Variants in RPIA observed in about 807,000 individuals in gnomAD.
RPIA encodes ribose-5-phosphate isomerase.
A neutral mutation model predicts 37.8 loss-of-function variants in RPIA; 29 were observed. The observed-to-expected ratio is 0.77, with a 90% confidence interval of 0.57 to 1.05. The LOEUF is 1.05. RPIA is among the 50% of genes least tolerant of loss of function. The pLI, the probability that RPIA is intolerant of heterozygous loss-of-function variation, is 0.00. For synonymous variants in RPIA, 167 were observed against 157.0 expected, an observed-to-expected ratio of 1.06 and a Z score of -0.48; for missense variants, 385 against 413.6, an observed-to-expected ratio of 0.93 and a Z score of 0.60.
intron 8 of RPIA, among the ~76,000 whole-genome samples, chr2:88,746,519 G>A (rs1395929496): frequency 6.6e-6 from 1 of 152,170 alleles, no homozygotes; most frequent in Non-Finnish European, 1.5e-5. Flanking sequence ...GACTGCAGTG[G>A]TTATGCCCTT....
intron 3 of RPIA, among the ~76,000 whole-genome samples, chr2:88,709,199 C>T (rs188614488): frequency 2.0e-5 from 3 of 152,290 alleles, no homozygotes; most frequent in South Asian, 4.1e-4. Context: ...GTTCTTCTAT[C>T]GCTATGTAAT....
At position 88,691,994 on chromosome 2, in the gene RPIA, C is replaced by A. The variant is rs749415516; in HGVS notation, c.285+11C>A. ...GAGAACCACGTGAGGGTGAGCACTT[C>A]GAAACGTGGGGCGCGGGGCGCATGT... On this transcript the variant is annotated intron_variant, in intron 1 of 8. Transcript: ENST00000283646. 8 of 1,579,612 alleles carry A rather than the reference C, an allele frequency of 5.1e-6. No individual in the cohort carries two copies. The highest frequency in any genetic ancestry group is 1.7e-4 in the Middle Eastern group (1 of 6,012).
intron 3 of RPIA, among the ~76,000 whole-genome samples, chr2:88,727,556 C>T (rs765709148): frequency 2.0e-5 from 3 of 152,214 alleles, no homozygotes; most frequent in Admixed American, 6.5e-5. Context: ...TCCCACCCTC[C>T]ACCCTCTATC....
chr2:88,737,612 A>G (rs1240547862), intron 7 of RPIA, among the ~76,000 whole-genome samples: 4 of 152,240 alleles, frequency 2.6e-5, no homozygotes, highest in Non-Finnish European at 1.5e-5. Context: ...AAGGAAGCAG[A>G]TAAGAACAAT....
intron 3 of RPIA, among the ~76,000 whole-genome samples, chr2:88,727,336 C>T (rs2104122158): frequency 6.6e-6 from 1 of 152,316 alleles, no homozygotes; most frequent in Non-Finnish European, 1.5e-5. Context: ...CTCTTTGAGG[C>T]CACTTTCCAA....
intron 2 of RPIA, 145 bp downstream of exon 2, chr2:88,698,689 A>G: frequency 1.3e-6 from 1 of 796,068 alleles, no homozygotes; most frequent in Admixed American, 1.8e-5. Flanking sequence ...ACCTGAGGTC[A>G]GTTGAGTGTT....
At position 88,734,582 on chromosome 2, in the gene RPIA, G is replaced by A. The variant is rs886056422; in HGVS notation, c.493G>A (p.Val165Ile). 2.5e-6 allele frequency: 4 copies of A among 1,614,212 alleles called. No individual in the cohort carries two copies. In the East Asian group the frequency reaches 8.9e-5, roughly 36 times the overall value. ...CCTTGCCATCGATGGTGCTGATGAAGTAGATGCTGATCTCAATCTCATCAA... is the reference window on the plus strand; with the variant it reads ...CCTTGCCATCGATGGTGCTGATGAAATAGATGCTGATCTCAATCTCATCAA... The part of the protein sequence containing the change: ...IDLAIDGADE[V>I]DADLNLIKGG... The change falls in exon 5 of 9, where the codon GTA becomes ATA. Residue 165 changes from valine to isoleucine, a missense_variant. Around this residue, in one of 2 missense-constraint regions of RPIA, gnomAD observed 153 missense variants for 210.6 expected, o/e 0.73. Transcript: ENST00000283646.
chr2:88,735,801 C>T (rs1673308306), intron 6 of RPIA, 64 bp downstream of exon 6: 2 of 1,499,870 alleles, frequency 1.3e-6, no homozygotes. Flanking sequence ...GCCGCATCCC[C>T]ATTTTTGTGA....
chr2:88,708,701 A>G (rs1005144063), intron 3 of RPIA, among the ~76,000 whole-genome samples: 8 of 152,046 alleles, frequency 5.3e-5, no homozygotes, highest in Admixed American at 2.6e-4. Flanking sequence ...AGCAAAACCA[A>G]TGGAAGAGCC....
intron 2 of RPIA, among the ~76,000 whole-genome samples, chr2:88,699,099 A>C (rs1201100900): frequency 5.9e-5 from 9 of 152,228 alleles, no homozygotes; most frequent in Admixed American, 5.9e-4. Flanking sequence ...CCCAGAGGAG[A>C]GGCCTGCCTG....
intron 3 of RPIA, among the ~76,000 whole-genome samples, chr2:88,719,883 T>C (rs1384016299): frequency 1.3e-5 from 2 of 152,202 alleles, no homozygotes; most frequent in Admixed American, 6.5e-5. Context: ...CATATGCTGG[T>C]CTTGCATCAG....
At chr2:88,721,571 A>ACACAC (rs1450673599) in intron 3 of RPIA, among the ~76,000 whole-genome samples, 118 of 22,918 alleles carry the variant, frequency 5.1e-3, no homozygotes, top group Non-Finnish European at 7.2e-3. Context: ...ACACACACAC[A>ACACAC]CCCCCCCCCC....
intron 1 of RPIA, among the ~76,000 whole-genome samples, chr2:88,693,054 T>G (rs1394197382): frequency 4.6e-5 from 7 of 152,206 alleles, no homozygotes; most frequent in African/African-American, 1.7e-4. Flanking sequence ...TTAACAGAGA[T>G]AATGTAAAAT....
At chr2:88,711,287 T>G (rs990271004) in intron 3 of RPIA, among the ~76,000 whole-genome samples, 1 of 152,210 alleles carries the variant, frequency 6.6e-6, no homozygotes. Context: ...ATAGCTTGGT[T>G]TTATACGTTT....
chr2:88,714,165 TTG>T (rs1673003578), intron 3 of RPIA, among the ~76,000 whole-genome samples: 1 of 151,114 alleles, frequency 6.6e-6, no homozygotes, highest in Non-Finnish European at 1.5e-5. Flanking sequence ...TTTTGTTTTT[TTG>T]TTTGTTTGTT....
intron 3 of RPIA, among the ~76,000 whole-genome samples, chr2:88,719,090 TTG>T (rs1236912626): frequency 6.6e-6 from 1 of 152,120 alleles, no homozygotes; most frequent in Non-Finnish European, 1.5e-5. Flanking sequence ...TGTGAGAAAC[TTG>T]TATTCAAGAG....
chr2:88,748,386 C>T (rs1673463492), intron 8 of RPIA, among the ~76,000 whole-genome samples: 2 of 152,114 alleles, frequency 1.3e-5, no homozygotes, highest in African/African-American at 4.8e-5. Context: ...TTTATGTTTG[C>T]AGATTTTTGC....
chr2:88,709,348 G>A (rs1330304371), intron 3 of RPIA, among the ~76,000 whole-genome samples: 1 of 152,180 alleles, frequency 6.6e-6, no homozygotes, highest in Admixed American at 6.5e-5. Flanking sequence ...TTATAATCCT[G>A]GGCTGGAGGT....
chr2:88,734,766 A>G (rs772279529), intron 5 of RPIA, 150 bp downstream of exon 5: 9 of 837,454 alleles, frequency 1.1e-5, no homozygotes, highest in African/African-American at 1.7e-5. Flanking sequence ...CTTAGACCCA[A>G]CTCAGCATTT....
Sources: gnomAD v4.1 joint callset for allele counts (sites outside exome capture counted in the v4.1 genomes callset) on GRCh38, gnomAD v4.1.1 for gene constraint, gnomAD v4.1.1 regional missense constraint, MANE v1.5 for transcripts, NCBI Gene and HGNC (gene_info 2026-07-23, HGNC 2026-07-21) for gene names.